Variants in RANBP2 observed in about 807,000 individuals in gnomAD.
RANBP2 encodes the protein E3 SUMO-protein ligase RanBP2.
Under a neutral mutation model 303.6 loss-of-function variants are expected in RANBP2, and 57 were observed. The observed-to-expected ratio is 0.19, with a 90% CI of 0.15 to 0.23. The LOEUF is 0.23. RANBP2 is among the 10% of genes least tolerant of loss of function. The probability of loss-of-function intolerance (pLI) is 1.00; values close to 1 mark genes in which losing one functional copy is unlikely to be tolerated. For synonymous variants in RANBP2, 1,167 were observed against 1,301.5 expected (o/e 0.90, Z 2.23); for missense variants, 3,138 against 3,780.8 (o/e 0.83, Z 4.46).
the RANBP2 span, among the ~76,000 whole-genome samples, chr2:109,431,413 A>G: frequency 7.2e-5 from 11 of 152,180 alleles, no homozygotes; most frequent in Admixed American, 5.2e-4. Flanking sequence ...ACCTTCCCCA[A>G]ATCCCAAAAG....
chr2:108,780,203 T>C (rs1247710382), intron 25 of RANBP2, among the ~76,000 whole-genome samples: 2 of 149,062 alleles, frequency 1.3e-5, no homozygotes, highest in African/African-American at 5.0e-5. Context: ...TTTTCCTTTT[T>C]TTTTTTGGTG....
chr2:109,137,080 A>T, the RANBP2 span, among the ~76,000 whole-genome samples: 1 of 152,056 alleles, frequency 6.6e-6, no homozygotes, highest in African/African-American at 2.4e-5. Context: ...ATGAAATGTA[A>T]TTTTTTTTCC....
At chr2:109,777,276 G>C in the RANBP2 span, among the ~76,000 whole-genome samples, 1 of 148,790 alleles carries the variant, frequency 6.7e-6, no homozygotes, top group Admixed American at 6.9e-5. Context: ...TTTGTCAAAG[G>C]CTTTTCTACA....
At chr2:109,069,717 A>G in the RANBP2 span, among the ~76,000 whole-genome samples, 1 of 152,252 alleles carries the variant, frequency 6.6e-6, no homozygotes, top group East Asian at 1.9e-4. Context: ...ACCTAGCAAC[A>G]TAACACTTTT....
the RANBP2 span, among the ~76,000 whole-genome samples, chr2:109,280,102 T>C: frequency 6.6e-6 from 1 of 152,174 alleles, no homozygotes. Flanking sequence ...GTTCTTTTTT[T>C]CTGCATGTTT....
At chr2:109,300,557 C>A in the RANBP2 span, among the ~76,000 whole-genome samples, 1 of 152,172 alleles carries the variant, frequency 6.6e-6, no homozygotes, top group Non-Finnish European at 1.5e-5. Flanking sequence ...TGACAGGCAT[C>A]CTTTTCCATA....
At chr2:109,484,908 A>C in the RANBP2 span, among the ~76,000 whole-genome samples, 2 of 152,200 alleles carry the variant, frequency 1.3e-5, no homozygotes, top group Non-Finnish European at 2.9e-5. Context: ...CCCCAGTCTC[A>C]GGTCACAAAA....
At chr2:109,239,205 C>T in the RANBP2 span, among the ~76,000 whole-genome samples, 1,123 of 152,006 alleles carry the variant, frequency 7.4e-3, 9 homozygotes, top group South Asian at 0.024. Context: ...CACAGTGCTC[C>T]GAAAAGAGCT....
At chr2:109,411,818 C>G in the RANBP2 span, among the ~76,000 whole-genome samples, 3 of 152,244 alleles carry the variant, frequency 2.0e-5, no homozygotes, top group African/African-American at 7.2e-5. Flanking sequence ...TGACCTCTCT[C>G]TGCTCTTCAT....
chr2:109,251,549 A>C, the RANBP2 span: 28 of 772,002 alleles, frequency 3.6e-5, 2 homozygotes, highest in South Asian at 3.8e-4. Flanking sequence ...CTTGTGATAG[A>C]TGAATGTGTG....
the RANBP2 span, among the ~76,000 whole-genome samples, chr2:109,556,935 A>G: frequency 6.6e-6 from 1 of 152,106 alleles, no homozygotes. Flanking sequence ...AAAACCAAAC[A>G]TGGCATGTTC....
At chr2:109,050,367 C>T in the RANBP2 span, among the ~76,000 whole-genome samples, 2 of 151,978 alleles carry the variant, frequency 1.3e-5, no homozygotes, top group Admixed American at 6.6e-5. Flanking sequence ...AATCCTCCCA[C>T]CTCAGCCTCC....
chr2:108,833,270 G>A, the RANBP2 span, among the ~76,000 whole-genome samples: 2 of 152,172 alleles, frequency 1.3e-5, no homozygotes. Flanking sequence ...GTATGTCAGT[G>A]TTAACAACTG....
the RANBP2 span, among the ~76,000 whole-genome samples, chr2:109,719,341 C>T: frequency 8.0e-5 from 12 of 150,616 alleles, no homozygotes; most frequent in South Asian, 2.1e-3. Context: ...CTCAGATGAT[C>T]CTCCCACCTT....
chr2:109,125,374 G>A, the RANBP2 span, among the ~76,000 whole-genome samples: 4 of 152,154 alleles, frequency 2.6e-5, no homozygotes, highest in Non-Finnish European at 5.9e-5. Context: ...TTCAAATTTT[G>A]GGCCGCCAAA....
chr2:109,421,904 T>TA, the RANBP2 span, among the ~76,000 whole-genome samples: 11 of 152,316 alleles, frequency 7.2e-5, no homozygotes, highest in African/African-American at 2.6e-4. Context: ...CAACATTACA[T>TA]ACGTTACAGC....
chr2:109,685,825 G>T, the RANBP2 span, among the ~76,000 whole-genome samples: 1 of 152,212 alleles, frequency 6.6e-6, no homozygotes, highest in Admixed American at 6.5e-5. Flanking sequence ...GGAGGGACAA[G>T]GACAGAGTGA....
chr2:109,558,948 C>T, the RANBP2 span, among the ~76,000 whole-genome samples: 4 of 151,596 alleles, frequency 2.6e-5, no homozygotes, highest in African/African-American at 7.3e-5. Flanking sequence ...TGCAGTGGTG[C>T]GATCTCAGCT....
the RANBP2 span, among the ~76,000 whole-genome samples, chr2:109,030,952 C>T: frequency 1.3e-5 from 2 of 152,124 alleles, no homozygotes; most frequent in African/African-American, 4.8e-5. Context: ...GGTATATATA[C>T]TCATAACTAG....
Sources: allele counts gnomAD v4.1 joint callset (sites outside exome capture counted in the v4.1 genomes callset), GRCh38; gene constraint gnomAD v4.1.1; transcripts MANE v1.5; gene names NCBI Gene and HGNC (gene_info 2026-07-23, HGNC 2026-07-21).